The following SAMD4B variants were observed in gnomAD, a reference collection of about 807,000 sequenced individuals.
SAMD4B encodes the protein protein Smaug homolog 2.
In SAMD4B, 5 loss-of-function variants were observed where a neutral mutation model predicts 74.5. That is an observed-to-expected ratio of 0.07 (90% CI 0.04 to 0.14). The LOEUF (loss-of-function observed/expected upper bound fraction) is 0.14, where lower values mean the gene tolerates loss of function less well. Ranked by LOEUF, SAMD4B falls within the 10% of genes least tolerant of loss-of-function variation. The pLI is 1.00. For missense variants in SAMD4B, 608 were observed against 921.8 expected, an observed-to-expected ratio of 0.66 and a Z score of 4.41; for synonymous variants, 373 against 374.9, an observed-to-expected ratio of 1.00 and a Z score of 0.06.
At chr19:39,349,788 C>T (rs2075920366) in intron 1 of SAMD4B, 1 of 152,258 alleles carries the variant, frequency 6.6e-6, no homozygotes, top group Non-Finnish European at 1.5e-5. Flanking sequence ...TTAAAGGGCC[C>T]TTAGGCCCAA....
chr19:39,372,662 C>T (rs2077375132), intron 4 of SAMD4B, among the ~76,000 whole-genome samples: 1 of 152,134 alleles, frequency 6.6e-6, no homozygotes, highest in Non-Finnish European at 1.5e-5. Context: ...TGGCCAGCCT[C>T]CACCCCAGTG....
At chr19:39,387,284 A>T (rs1187196724), downstream of SAMD4B, 3 of 333,774 alleles carry the variant, frequency 9.0e-6, no homozygotes, top group African/African-American at 2.1e-5. Flanking sequence ...TAGAAAAGGT[A>T]TAGTAAAGAT....
chr19:39,350,154 A>G (rs2145259186), intron 1 of SAMD4B: 2 of 152,368 alleles, frequency 1.3e-5, no homozygotes, highest in East Asian at 3.9e-4. Flanking sequence ...GTATGAAGAC[A>G]TGCTAAGCAT....
At chr19:39,363,854 G>A (rs1047099174) in intron 3 of SAMD4B, among the ~76,000 whole-genome samples, 3 of 152,306 alleles carry the variant, frequency 2.0e-5, no homozygotes, top group East Asian at 1.9e-4. Context: ...GCAGGTATTC[G>A]TTGGGCCTCT....
intron 2 of SAMD4B, 103 bp downstream of exon 2, chr19:39,354,169 C>G (rs1047634783): frequency 2.6e-5 from 4 of 152,342 alleles, no homozygotes; most frequent in African/African-American, 9.6e-5. Flanking sequence ...GTGGCTTGGG[C>G]AGGACTAGAA....
At chr19:39,386,038 C>A, downstream of SAMD4B, 4 of 1,613,960 alleles carry the variant, frequency 2.5e-6, no homozygotes, top group Non-Finnish European at 3.4e-6. The surrounding 1 kb of genome is among the most constrained non-coding windows in gnomAD (Gnocchi z 6.1). Context: ...GCTGCAGCTT[C>A]ACTGCCATCC....
At position 39,358,144 on chromosome 19, in the gene SAMD4B, G is replaced by A. The variant is rs531041115; in HGVS notation, c.196+1055G>A. On this transcript the variant is annotated intron_variant, in intron 3 of 13. Coordinates refer to ENST00000610417, the MANE Select transcript of SAMD4B (RefSeq NM_001384574.2). ...AAATTAGCTGGGCATGGTGGCAGGT[G>A]CCTGTAATCCCAGCTACTCGGGAGG... 9.2e-5 allele frequency among the ~76,000 whole-genome samples: 14 copies of A among 152,204 alleles called. No homozygotes were observed. The South Asian group carries it at 2.7e-3, about 29-fold the overall frequency.
chr19:39,367,478 A>C, intron 3 of SAMD4B, among the ~76,000 whole-genome samples: 1 of 149,086 alleles, frequency 6.7e-6, no homozygotes, highest in Non-Finnish European at 1.5e-5. Context: ...TAGTCACAGA[A>C]GTGCTAATGA....
rs2078202994 is a variant in SAMD4B at position 39,384,905 on chromosome 19, A to G, written c.*1378A>G. On this transcript the variant is annotated 3_prime_UTR_variant, in exon 14 of 14. Transcript: ENST00000610417. ...GATACAAAATGTTGGGAAAAAAACA[A>G]AAAAAACAAAAAAAAAAAAAATTTT... 6.7e-6 allele frequency: 1 copy of G among 148,740 alleles called. No homozygotes were observed. The highest frequency in any genetic ancestry group is 2.1e-4 in the South Asian group (1 of 4,752). The allele number at this position is 148,740 out of a possible 1,614,324, so 9.2% of individuals were successfully genotyped here. A position where few individuals can be genotyped will look rare whatever the true frequency, so the allele number is the denominator to read the frequency against.
At position 39,342,436 on chromosome 19, in the gene SAMD4B, A is replaced by G. The variant is rs1248139163; in HGVS notation, c.-407A>G. 5.6e-6 allele frequency: 1 copy of G among 177,120 alleles called. No homozygotes were observed. Among genetic ancestry groups the G allele is most frequent in the Non-Finnish European group, 1.1e-5 (1 of 87,948 alleles). The allele number at this position is 177,120 out of a possible 1,614,324, so 11.0% of individuals were successfully genotyped here. On this transcript the variant is annotated 5_prime_UTR_variant, in exon 1 of 14. Coordinates refer to ENST00000610417, the MANE Select transcript of SAMD4B (RefSeq NM_001384574.2). The stretch of plus-strand genomic sequence containing the variant: ...GCGGTGACGCACGGCGCGGTGACGC[A>G]GCGCGACGGCGGCGGCGGCGGCGGC...
chr19:39,365,362 T>C (rs2076899735), intron 3 of SAMD4B, among the ~76,000 whole-genome samples: 3 of 151,296 alleles, frequency 2.0e-5, no homozygotes, highest in Admixed American at 6.6e-5. Context: ...GATACTAGCA[T>C]GGCCAATATG....
At chr19:39,386,081 G>A (rs1006841592), downstream of SAMD4B, 14 of 1,614,012 alleles carry the variant, frequency 8.7e-6, no homozygotes, top group Non-Finnish European at 1.1e-5. This position sits in a 1 kb window ranked among gnomAD's most constrained non-coding sequence, Gnocchi z 6.1. Context: ...CACTGGGGAA[G>A]GGACTGGCGC....
intron 3 of SAMD4B, among the ~76,000 whole-genome samples, chr19:39,368,577 G>C (rs1283467727): frequency 6.6e-6 from 1 of 152,194 alleles, no homozygotes; most frequent in African/African-American, 2.4e-5. Flanking sequence ...ACTTGAGTCT[G>C]TTGGTGCTTG....
intron 3 of SAMD4B, among the ~76,000 whole-genome samples, chr19:39,360,381 G>T (rs781011526): frequency 6.6e-6 from 1 of 152,120 alleles, no homozygotes; most frequent in Non-Finnish European, 1.5e-5. Context: ...ATGAATCAAG[G>T]TTTTTATCCA....
intron 3 of SAMD4B, among the ~76,000 whole-genome samples, chr19:39,361,279 C>G (rs902193094): frequency 6.6e-6 from 1 of 152,160 alleles, no homozygotes; most frequent in Non-Finnish European, 1.5e-5. Flanking sequence ...CACACCTACT[C>G]CACAAACCAA....
At chr19:39,359,809 T>C (rs2145474386) in intron 3 of SAMD4B, 1 of 152,346 alleles carries the variant, frequency 6.6e-6, no homozygotes, top group South Asian at 2.1e-4. Flanking sequence ...AACAGTGATG[T>C]AATGAGTACC....
chr19:39,385,919 A>G (rs1192996367), downstream of SAMD4B: 5 of 1,586,918 alleles, frequency 3.2e-6, no homozygotes, highest in Non-Finnish European at 4.3e-6. Flanking sequence ...AAAGGCTCAC[A>G]AACAGACCAC....
In SAMD4B at chr19:39,384,305, T is replaced by C. The variant is rs36270; in HGVS notation, c.*778T>C. 43,367 of 152,412 alleles carry C rather than the reference T, an allele frequency of 0.28. 11,821 individuals carry two copies. The highest frequency in any genetic ancestry group is 0.72 in the African/African-American group (29,919 of 41,426). 9.4% of individuals were successfully genotyped at this position (152,412 alleles called of 1,614,324 possible). On this transcript the variant is annotated 3_prime_UTR_variant, in exon 14 of 14. Coordinates refer to ENST00000610417, the MANE Select transcript of SAMD4B (RefSeq NM_001384574.2). ...GGGCAGAGCCCCCTCCTCCAGACCC[T>C]CAAGCTCTAACCCATTTTCCTCCAG...
intron 8 of SAMD4B, 94 bp downstream of exon 8, chr19:39,377,918 A>G: frequency 8.1e-7 from 1 of 1,234,886 alleles, no homozygotes; most frequent in Non-Finnish European, 1.1e-6. Context: ...TGGTGGGAGC[A>G]GGGCTTTGTA....
Sources: allele counts gnomAD v4.1 joint callset (sites outside exome capture counted in the v4.1 genomes callset), GRCh38; gene constraint gnomAD v4.1.1; non-coding constraint Gnocchi (gnomAD v3.1); transcripts MANE v1.5; gene names NCBI Gene and HGNC (gene_info 2026-07-23, HGNC 2026-07-21).